Variants in ZBTB49 observed in about 807,000 individuals in gnomAD.
ZBTB49 encodes the protein zinc finger and BTB domain-containing protein 49.
Under a neutral mutation model 57.5 loss-of-function variants are expected in ZBTB49, and 43 were observed. The ratio of observed to expected loss-of-function variants is 0.75; its 90% CI spans 0.59 to 0.97. ZBTB49 has a LOEUF of 0.97. Ranked by LOEUF, ZBTB49 falls within the 50% of genes least tolerant of loss-of-function variation. ZBTB49 has a pLI of 0.00. For synonymous variants in ZBTB49, 369 were observed against 362.1 expected, an observed-to-expected ratio of 1.02 and a Z score of -0.22; for missense variants, 938 against 947.7, an observed-to-expected ratio of 0.99 and a Z score of 0.13.
At chr4:4,308,710 G>A (rs1291575398) in intron 4 of ZBTB49, among the ~76,000 whole-genome samples, 5 of 152,218 alleles carry the variant, frequency 3.3e-5, no homozygotes, top group South Asian at 2.1e-4. Flanking sequence ...CGGGAAGGGG[G>A]ACAGAAATGG....
chr4:4,302,080 A>T lies in ZBTB49; in HGVS notation c.244A>T (p.Met82Leu). The change falls in exon 3 of 8, where the codon ATG becomes TTG. Residue 82 changes from methionine to leucine, a missense_variant. By Grantham distance (15) the Met-to-Leu change is conservative (BLOSUM62 2). Around this residue, in one of 3 missense-constraint regions of ZBTB49, gnomAD observed 100 missense variants for 112.5 expected, o/e 0.89. Transcript: ENST00000337872. ...TGGCATAGGGCAGATCCTGGACTTC[A>T]TGTACACTTCTCATCTAGATCTTAA... ...VSGIGQILDF[M>L]YTSHLDLNQD... 1 of 1,614,028 alleles carries T rather than the reference A, an allele frequency of 6.2e-7. No individual in the cohort carries two copies. The highest frequency in any genetic ancestry group is 8.5e-7 in the Non-Finnish European group (1 of 1,179,896).
intron 7 of ZBTB49, among the ~76,000 whole-genome samples, chr4:4,320,391 A>G (rs1046155921): frequency 1.3e-5 from 2 of 151,948 alleles, no homozygotes; most frequent in Admixed American, 1.3e-4. Flanking sequence ...GTGTCTTGGG[A>G]GGGGAGGGGA....
chr4:4,315,655 G>T lies in ZBTB49; in HGVS notation c.1396G>T (p.Val466Phe). 1 of 1,614,142 alleles carries T rather than the reference G, an allele frequency of 6.2e-7. No homozygotes were observed. Among genetic ancestry groups the T allele is most frequent in the African/African-American group, 1.3e-5 (1 of 75,050 alleles). ...CGKRFAASGD[V>F]QRHIIIHSGE... The stretch of plus-strand genomic sequence containing the variant: ...TTCTAGGTTTGCAGCCTCTGGCGAC[G>T]TCCAGCGTCACATTATTATTCACTC... The change falls in exon 6 of 8, where the codon GTC (valine) becomes TTC (phenylalanine). Residue 466 changes from valine (V) to phenylalanine (F), a missense_variant. By Grantham distance (50) the Val-to-Phe change is conservative. Transcript: ENST00000337872.
At chr4:4,314,694 C>T (rs559466840) in intron 5 of ZBTB49, among the ~76,000 whole-genome samples, 2 of 152,320 alleles carry the variant, frequency 1.3e-5, no homozygotes, top group Non-Finnish European at 1.5e-5. Flanking sequence ...TGAAACCAGA[C>T]CTATATGCAG....
chr4:4,307,369 C>G (rs1720784136), intron 4 of ZBTB49, among the ~76,000 whole-genome samples: 1 of 152,208 alleles, frequency 6.6e-6, no homozygotes, highest in South Asian at 2.1e-4. Context: ...GCCTGGGGTT[C>G]AGAGCTTGGC....
Position 4,299,962 on chromosome 4 carries a change from C to T in ZBTB49, c.17C>T (p.Thr6Ile). The change falls in exon 2 of 8, where the codon ACC (threonine) becomes ATC (isoleucine). Residue 6 changes from threonine to isoleucine, a missense_variant. Physicochemically the swap from Thr to Ile is moderately conservative, Grantham distance 89. Transcript: ENST00000337872. Reference protein sequence around the residue: MDPVATHSCHLLQQLH... With the variant: MDPVAIHSCHLLQQLH... ...TGGTTGAGCATGGACCCTGTTGCTACCCACAGCTGCCATCTGCTCCAGCAA... is the reference window on the plus strand; with the variant it reads ...TGGTTGAGCATGGACCCTGTTGCTATCCACAGCTGCCATCTGCTCCAGCAA... 6.2e-7 allele frequency: 1 copy of T among 1,614,132 alleles called. No individual in the cohort carries two copies. The highest frequency in any genetic ancestry group is 1.1e-5 in the South Asian group (1 of 91,078).
Position 4,321,422 on chromosome 4 carries a change from G to T in ZBTB49, c.*106G>T. The T allele has an allele frequency of 8.5e-7, 1 of 1,171,152 alleles. No homozygotes were observed. Among genetic ancestry groups the T allele is most frequent in the Non-Finnish European group, 1.2e-6 (1 of 828,188 alleles). The allele number at this position is 1,171,152 out of a possible 1,614,324, so 72.5% of individuals were successfully genotyped here. A position where few individuals can be genotyped will look rare whatever the true frequency, so the allele number is the denominator to read the frequency against. ...CATGACAGTGCCTTCTAACTAGCCA[G>T]AGAATAGGTAGCTTCCCTCCTGATG... On this transcript the variant is annotated 3_prime_UTR_variant, in exon 8 of 8. Coordinates refer to ENST00000337872, the MANE Select transcript of ZBTB49 (RefSeq NM_145291.4).
At chr4:4,320,339 A>C (rs1315956101) in intron 7 of ZBTB49, among the ~76,000 whole-genome samples, 1 of 152,178 alleles carries the variant, frequency 6.6e-6, no homozygotes, top group Admixed American at 6.5e-5. Flanking sequence ...GAGTGAGCAG[A>C]AGCTGTGAGG....
rs552988199 is a variant in ZBTB49 at position 4,295,046 on chromosome 4, C to G, written c.-20+4694C>G. Among the ~76,000 whole-genome samples, 6 of 152,120 alleles carry G rather than the reference C, an allele frequency of 3.9e-5. No homozygotes were observed. In the East Asian group the frequency reaches 9.7e-4, roughly 25 times the overall value. On this transcript the variant is annotated intron_variant, in intron 1 of 7. Transcript: ENST00000337872. ...ATCTTGGATAAGTGACTTAAAGTCT[C>G]CATATCTTAATTGTTTCTCTTGTGA...
intron 7 of ZBTB49, 98 bp from the exon 8 acceptor site, chr4:4,320,542 A>G: frequency 1.4e-6 from 2 of 1,472,268 alleles, no homozygotes; most frequent in Non-Finnish European, 1.8e-6. Context: ...TGAGAGGCTG[A>G]GGAAGAAGGA....
intron 2 of ZBTB49, among the ~76,000 whole-genome samples, chr4:4,301,075 A>C (rs1219464225): frequency 6.6e-6 from 1 of 152,174 alleles, no homozygotes; most frequent in Non-Finnish European, 1.5e-5. Flanking sequence ...AATGGTCGCA[A>C]ACTCTTGGGT....
chr4:4,316,670 G>A (rs193011824), intron 7 of ZBTB49, among the ~76,000 whole-genome samples: 288 of 152,338 alleles, frequency 1.9e-3, no homozygotes, highest in African/African-American at 6.5e-3. Context: ...GAGTCCAGCT[G>A]TAGGGAGCCT....
chr4:4,316,974 G>T (rs1441305637), intron 7 of ZBTB49, among the ~76,000 whole-genome samples: 1 of 152,238 alleles, frequency 6.6e-6, no homozygotes, highest in Non-Finnish European at 1.5e-5. Flanking sequence ...GGAGGCCGAG[G>T]CTGCAGTGAG....
At chr4:4,311,582 T>C (rs1370476505) in intron 4 of ZBTB49, among the ~76,000 whole-genome samples, 2 of 152,214 alleles carry the variant, frequency 1.3e-5, no homozygotes, top group African/African-American at 2.4e-5. Flanking sequence ...GGCCCCACCA[T>C]GTAACTGAGA....
rs755660898 is a variant in ZBTB49 at position 4,321,026 on chromosome 4, C to T, written c.2008C>T (p.Leu670=). ...TCATGGAGTTAGTGACCAGGAGAAG[C>T]TGAGTTTGGATCCTGGTAAACTTGC... ...QPHGVSDQEK[L]SLDPGKLAKP... The change falls in exon 8 of 8, where the codon CTG becomes TTG. Residue 670 remains leucine (L), a synonymous_variant. Transcript: ENST00000337872. 6.2e-7 allele frequency: 1 copy of T among 1,614,084 alleles called. No homozygotes were observed. The highest frequency in any genetic ancestry group is 1.3e-5 in the African/African-American group (1 of 74,928).
In ZBTB49 at chr4:4,321,252, C is replaced by T. The variant is rs1447979824; in HGVS notation, c.2234C>T (p.Ser745Phe). ...AGGAACTCAGAGGGTCAGTTTTTCT[C>T]CAGCATGACTCTCTGGGGGCTAGCG... ...TYRNSEGQFF[S>F]SMTLWGLAMK... The change falls in exon 8 of 8, where the codon TCC becomes TTC. Residue 745 changes from serine (S) to phenylalanine (F), a missense_variant. Ser to Phe is a radical substitution (Grantham distance 155, BLOSUM62 -2). Coordinates refer to ENST00000337872, the MANE Select transcript of ZBTB49 (RefSeq NM_145291.4). 6.2e-7 allele frequency: 1 copy of T among 1,614,000 alleles called. No homozygotes were observed. The highest frequency in any genetic ancestry group is 8.5e-7 in the Non-Finnish European group (1 of 1,180,042).
intron 3 of ZBTB49, among the ~76,000 whole-genome samples, 185 bp from the exon 4 acceptor site, chr4:4,305,953 T>C (rs1474929933): frequency 1.3e-5 from 2 of 152,222 alleles, no homozygotes; most frequent in African/African-American, 4.8e-5. Context: ...AATATTACTT[T>C]TATCATCTCT....
At chr4:4,290,750 G>A (rs1250116088) in intron 1 of ZBTB49, among the ~76,000 whole-genome samples, 2 of 152,248 alleles carry the variant, frequency 1.3e-5, no homozygotes, top group East Asian at 3.8e-4. Flanking sequence ...CGCTGTAGTT[G>A]AGAGTAGCGC....
chr4:4,311,324 T>G (rs1432572752), intron 4 of ZBTB49, among the ~76,000 whole-genome samples: 1 of 152,222 alleles, frequency 6.6e-6, no homozygotes, highest in Non-Finnish European at 1.5e-5. Context: ...GGGCTCTAAT[T>G]TAACAGTTCA....
Sources: gnomAD v4.1 joint callset for allele counts (sites outside exome capture counted in the v4.1 genomes callset) on GRCh38, gnomAD v4.1.1 for gene constraint, gnomAD v4.1.1 regional missense constraint, MANE v1.5 for transcripts, NCBI Gene and HGNC (gene_info 2026-07-23, HGNC 2026-07-21) for gene names.